EXOC6: variants seen among roughly 807,000 people sequenced by gnomAD.
EXOC6 encodes the protein exocyst complex component 6.
A neutral mutation model predicts 112.5 loss-of-function variants in EXOC6; 60 were observed. The ratio of observed to expected loss-of-function variants is 0.53; its 90% confidence interval spans 0.43 to 0.66. EXOC6 has a LOEUF of 0.66. Ranked by LOEUF, EXOC6 falls within the 30% of genes least tolerant of loss-of-function variation. EXOC6 has a pLI of 0.00. For synonymous variants in EXOC6, 295 were observed against 308.0 expected (o/e 0.96, Z 0.44); for missense variants, 855 against 957.1 (o/e 0.89, Z 1.41).
intron 18 of EXOC6, chr10:92,987,465 A>G (rs1589981257): frequency 5.8e-6 from 1 of 172,520 alleles, no homozygotes; most frequent in Middle Eastern, 2.9e-3. Context: ...TTTATGTGAT[A>G]GATGAATGCC....
chr10:92,868,866 G>C (rs1004490958), intron 1 of EXOC6, among the ~76,000 whole-genome samples: 25 of 148,932 alleles, frequency 1.7e-4, no homozygotes, highest in Admixed American at 3.3e-4. Context: ...AGGCTGGAGG[G>C]CAGTGGCATG....
intron 20 of EXOC6, among the ~76,000 whole-genome samples, chr10:93,038,521 C>T (rs1308129358): frequency 6.6e-6 from 1 of 152,132 alleles, no homozygotes. Flanking sequence ...CCCTGAAAGT[C>T]AACTTCTACT....
intron 14 of EXOC6, among the ~76,000 whole-genome samples, chr10:92,950,752 G>A (rs1853360239): frequency 6.6e-6 from 1 of 152,160 alleles, no homozygotes; most frequent in African/African-American, 2.4e-5. Context: ...GAGGGTTATG[G>A]GAAGCCATGA....
chr10:92,836,042 C>G (rs1564759660), intron 1 of EXOC6, among the ~76,000 whole-genome samples: 1 of 152,174 alleles, frequency 6.6e-6, no homozygotes, highest in African/African-American at 2.4e-5. Context: ...GGTAGGTGGT[C>G]AAGTGCCAGG....
chr10:92,979,839 G>T (rs1842765012), intron 18 of EXOC6, among the ~76,000 whole-genome samples: 1 of 144,580 alleles, frequency 6.9e-6, no homozygotes, highest in Non-Finnish European at 1.5e-5. Context: ...GGAGGCTTTA[G>T]TGAGCTGAGA....
At chr10:92,855,973 T>TCACA (rs1847582336) in intron 1 of EXOC6, among the ~76,000 whole-genome samples, 1 of 152,168 alleles carries the variant, frequency 6.6e-6, no homozygotes, top group African/African-American at 2.4e-5. Context: ...CAAGCGATTC[T>TCACA]CCTGTTTCAG....
At chr10:93,016,820 T>G (rs1324348813) in intron 20 of EXOC6, among the ~76,000 whole-genome samples, 1 of 151,982 alleles carries the variant, frequency 6.6e-6, no homozygotes, top group Non-Finnish European at 1.5e-5. Context: ...TATTTTCTTT[T>G]TTTTTTTTTG....
At chr10:92,848,700 G>A (rs1248093490) in intron 1 of EXOC6, 66 bp downstream of exon 1, 5 of 1,192,964 alleles carry the variant, frequency 4.2e-6, no homozygotes, top group Non-Finnish European at 5.3e-6. Flanking sequence ...CACGAGCCGG[G>A]CGGGGCGTCC....
upstream of EXOC6, among the ~76,000 whole-genome samples, chr10:92,830,511 G>T (rs1846457885): frequency 1.3e-5 from 2 of 152,244 alleles, no homozygotes; most frequent in Admixed American, 6.5e-5. Context: ...ATCAGCTTGG[G>T]GCAGGATTTC....
chr10:92,859,545 T>C (rs972888780), intron 1 of EXOC6, among the ~76,000 whole-genome samples: 2 of 152,232 alleles, frequency 1.3e-5, no homozygotes, highest in African/African-American at 4.8e-5. Context: ...TGCAGTGGCA[T>C]ATTATCCCTT....
In EXOC6 at chr10:93,043,963, A is replaced by G. The variant is rs544316900; in HGVS notation, c.2170-12961A>G. On this transcript the variant is annotated intron_variant, in intron 20 of 21. Transcript: ENST00000260762. ...TTTTGAAGTTCATGTGGCTACCTGC[A>G]CTGGTCAGAATGTTACAGTGTTGTC... Among the ~76,000 whole-genome samples the G allele has an allele frequency of 1.2e-4, 18 of 152,336 alleles. No individual in the cohort carries two copies. The South Asian group carries it at 3.5e-3, about 30-fold the overall frequency.
intron 19 of EXOC6, among the ~76,000 whole-genome samples, chr10:93,000,401 A>ACTCCTTTGGGCAGAGTTACTAGAGG (rs1843707333): frequency 6.6e-6 from 1 of 151,890 alleles, no homozygotes; most frequent in Non-Finnish European, 1.5e-5. Context: ...ACTTTCAGAT[A>ACTCCTTTGGGCAGAGTTACTAGAGG]CTCCTTTGGG....
intron 1 of EXOC6, 59 bp downstream of exon 1, chr10:92,848,693 G>C: frequency 8.1e-7 from 1 of 1,232,890 alleles, no homozygotes. Flanking sequence ...CGCTCCTCAC[G>C]AGCCGGGCGG....
intron 1 of EXOC6, among the ~76,000 whole-genome samples, chr10:92,873,232 G>A (rs1848532902): frequency 6.6e-6 from 1 of 152,100 alleles, no homozygotes; most frequent in African/African-American, 2.4e-5. Context: ...AATCTGTGCT[G>A]GCTGATTATG....
chr10:93,007,304 A>G (rs527583769), intron 19 of EXOC6, among the ~76,000 whole-genome samples: 91 of 149,916 alleles, frequency 6.1e-4, no homozygotes, highest in African/African-American at 1.9e-3. Flanking sequence ...TTTTTTTTAT[A>G]TATACAAATA....
chr10:93,043,195 A>C (rs12358168), intron 20 of EXOC6, among the ~76,000 whole-genome samples: 3 of 151,940 alleles, frequency 2.0e-5, no homozygotes, highest in African/African-American at 7.3e-5. Flanking sequence ...TCGGCCTCCC[A>C]AAGTGCTGGG....
At chr10:92,969,149 CT>C (rs1426645780) in intron 17 of EXOC6, among the ~76,000 whole-genome samples, 2 of 152,042 alleles carry the variant, frequency 1.3e-5, no homozygotes, top group African/African-American at 4.8e-5. Context: ...GTGTTATTGC[CT>C]TTATTCCAAG....
chr10:92,932,634 G>A (rs1286446973), intron 9 of EXOC6, among the ~76,000 whole-genome samples: 1 of 152,108 alleles, frequency 6.6e-6, no homozygotes, highest in Non-Finnish European at 1.5e-5. Context: ...AGACAAAGAA[G>A]AGCAGAGTTG....
chr10:92,841,622 T>C (rs1207584394), intron 1 of EXOC6, among the ~76,000 whole-genome samples: 1 of 152,242 alleles, frequency 6.6e-6, no homozygotes, highest in Non-Finnish European at 1.5e-5. Context: ...CAATTTTTGC[T>C]GGACATTTAA....
Sources: allele counts gnomAD v4.1 joint callset (sites outside exome capture counted in the v4.1 genomes callset), GRCh38; gene constraint gnomAD v4.1.1; transcripts MANE v1.5; gene names NCBI Gene and HGNC (gene_info 2026-07-23, HGNC 2026-07-21).